The following DHRS7 variants were observed in gnomAD, a reference collection of about 807,000 sequenced individuals.
DHRS7 encodes the protein dehydrogenase/reductase SDR family member 7.
DHRS7 carries 34 observed loss-of-function variants against 38.9 expected under a neutral mutation model. That is an observed-to-expected ratio of 0.87 (90% CI 0.66 to 1.16). DHRS7 has a LOEUF of 1.16. DHRS7 is among the 50% of genes most tolerant of loss of function. DHRS7 has a pLI of 0.00. For synonymous variants in DHRS7, 158 were observed against 153.1 expected (o/e 1.03, Z -0.24); for missense variants, 421 against 407.0 (o/e 1.03, Z -0.30).
At chr14:60,166,008 G>T (rs1196360485), upstream of DHRS7, among the ~76,000 whole-genome samples, 1 of 152,210 alleles carries the variant, frequency 6.6e-6, no homozygotes, top group Non-Finnish European at 1.5e-5. Context: ...CCAAAGCCTA[G>T]GTTGGTACCA....
At chr14:60,150,615 G>A (rs376663) in intron 4 of DHRS7, among the ~76,000 whole-genome samples, 1 of 151,920 alleles carries the variant, frequency 6.6e-6, no homozygotes, top group Admixed American at 6.6e-5. Flanking sequence ...TGGTTTCTAG[G>A]TTCATCCATG....
rs890214358 is a variant in DHRS7 at position 60,146,482 on chromosome 14, T to C, written c.973-1469A>G. 3 of 152,096 alleles carry C rather than the reference T, an allele frequency of 2.0e-5. No individual in the cohort carries two copies. The highest frequency in any genetic ancestry group is 4.4e-5 in the Non-Finnish European group (3 of 68,010). The allele number at this position is 152,096 out of a possible 1,614,324, so 9.4% of individuals were successfully genotyped here. On this transcript the variant is annotated intron_variant, in intron 6 of 6. Transcript: ENST00000557185. The surrounding 1 kb of genome is among the most constrained non-coding windows in gnomAD (Gnocchi z 4.9). ...ACATTATGGAAAATACGGAAATTCC[T>C]CAAAAAATTAAAAATAGAATTACCA...
At chr14:60,164,178 A>ATT (rs61331316) in intron 1 of DHRS7, among the ~76,000 whole-genome samples, 49 of 118,902 alleles carry the variant, frequency 4.1e-4, no homozygotes, top group Middle Eastern at 4.5e-3. Flanking sequence ...GTATTACCAG[A>ATT]TTTTTTTTTT....
chr14:60,165,261 G>C lies in DHRS7; in HGVS notation c.49C>G (p.Leu17Val). 1 of 1,605,680 alleles carries C rather than the reference G, an allele frequency of 6.2e-7. No individual in the cohort carries two copies. The highest frequency in any genetic ancestry group is 8.5e-7 in the Non-Finnish European group (1 of 1,178,082). The change falls in exon 1 of 7, where the codon CTG (leucine) becomes GTG (valine). Residue 17 changes from leucine (L) to valine (V), a missense_variant. Transcript: ENST00000557185. The surrounding 1 kb of genome is among the most constrained non-coding windows in gnomAD (Gnocchi z 4.6). ...LWLLVLCALL[L>V]LLVQLLRFLR... ...AAGCGCAGCAGCTGCACCAAGAGCAGGAGCAGCGCGCACAGCACCAGCAGC... is the reference window on the plus strand; with the variant it reads ...AAGCGCAGCAGCTGCACCAAGAGCACGAGCAGCGCGCACAGCACCAGCAGC...
At chr14:60,164,997 T>TA (rs1896838003) in intron 1 of DHRS7, among the ~76,000 whole-genome samples, 180 bp downstream of exon 1, 1 of 152,224 alleles carries the variant, frequency 6.6e-6, no homozygotes. Context: ...AGGGGCTTTT[T>TA]AGCCCTCGCC....
upstream of DHRS7, among the ~76,000 whole-genome samples, chr14:60,166,657 C>T (rs1001538436): frequency 5.3e-5 from 8 of 152,150 alleles, no homozygotes; most frequent in African/African-American, 1.9e-4. Context: ...CACCCTCATC[C>T]TTCTCTAAAA....
intron 4 of DHRS7, among the ~76,000 whole-genome samples, chr14:60,150,405 G>A (rs1180832216): frequency 6.6e-6 from 1 of 152,034 alleles, no homozygotes; most frequent in Non-Finnish European, 1.5e-5. Context: ...CCACGTTGGT[G>A]TGCTGCACCC....
chr14:60,158,110 G>A (rs1896693683), intron 1 of DHRS7, among the ~76,000 whole-genome samples: 1 of 151,484 alleles, frequency 6.6e-6, no homozygotes, highest in Non-Finnish European at 1.5e-5. Flanking sequence ...GCGCATCGTT[G>A]TAACCCCAAC....
Position 60,153,281 on chromosome 14 carries a change from A to G in DHRS7, c.394-103T>C, listed in dbSNP as rs963965496. ...GTTATTTTGTTAACTTAAAGAATCA[A>G]TGGAACAATGGTATATTTCCAGAAG... On this transcript the variant is annotated intron_variant, in intron 3 of 6. Coordinates refer to ENST00000557185, the MANE Select transcript of DHRS7 (RefSeq NM_016029.4). The surrounding 1 kb of genome is among the most constrained non-coding windows in gnomAD (Gnocchi z 4.4). 5.7e-5 allele frequency: 73 copies of G among 1,278,770 alleles called. No homozygotes were observed. The African/African-American group carries it at 6.7e-4, about 12-fold the overall frequency. 79.2% of individuals were successfully genotyped at this position (1,278,770 alleles called of 1,614,324 possible). A position where few individuals can be genotyped will look rare whatever the true frequency, so the allele number is the denominator to read the frequency against.
rs79457555 is a variant in DHRS7 at position 60,148,785 on chromosome 14, T to C, written c.972+568A>G. On this transcript the variant is annotated intron_variant, in intron 6 of 6. Transcript: ENST00000557185. The surrounding 1 kb of genome is among the most constrained non-coding windows in gnomAD (Gnocchi z 4.8). ...GGGGAGAAACAGTAGGGAAAGAGCATTTTGACACACACACTGGTCAAACAA... is the reference window on the plus strand; with the variant it reads ...GGGGAGAAACAGTAGGGAAAGAGCACTTTGACACACACACTGGTCAAACAA... Among the ~76,000 whole-genome samples, 948 of 152,150 alleles carry C rather than the reference T, an allele frequency of 6.2e-3. 55 individuals carry two copies. The East Asian group carries it at 0.15, about 24-fold the overall frequency.
upstream of DHRS7, chr14:60,168,830 A>G: frequency 6.8e-7 from 1 of 1,466,812 alleles, no homozygotes; most frequent in South Asian, 1.3e-5. Flanking sequence ...TCATAATTTC[A>G]CTCTTCATAA....
upstream of DHRS7, chr14:60,166,115 A>T: frequency 1.6e-6 from 1 of 615,302 alleles, no homozygotes; most frequent in Non-Finnish European, 2.0e-6. Flanking sequence ...GCCTACTCTA[A>T]TACACAAAAG....
upstream of DHRS7, chr14:60,168,844 A>G (rs568330723): frequency 7.1e-7 from 1 of 1,413,818 alleles, no homozygotes; most frequent in South Asian, 1.4e-5. Context: ...TTCATAAACC[A>G]AAGCATAAGG....
chr14:60,149,605 C>G (rs902436805), intron 5 of DHRS7, 37 bp from the exon 6 acceptor site: 1 of 1,509,608 alleles, frequency 6.6e-7, no homozygotes. Flanking sequence ...TTTATCCAAG[C>G]GATTTCACAT....
chr14:60,149,488 A>T lies in DHRS7; in HGVS notation c.837T>A (p.Asn279Lys), dbSNP rs1402428133. ...CVRLMLISMANDLKEVWISEQ... is the reference protein window; with the variant it reads ...CVRLMLISMAKDLKEVWISEQ... ...CTGAGATCCAAACTTCTTTCAAATC[A>T]TTGGCCATGCTGATTAACATCAGCC... The change falls in exon 6 of 7, where the codon AAT (asparagine) becomes AAA (lysine). Residue 279 changes from asparagine (N) to lysine (K), a missense_variant. Asn to Lys is a moderately conservative substitution (Grantham distance 94). Coordinates refer to ENST00000557185, the MANE Select transcript of DHRS7 (RefSeq NM_016029.4). 3 of 1,614,142 alleles carry T rather than the reference A, an allele frequency of 1.9e-6. No homozygotes were observed. The South Asian group carries it at 3.3e-5, about 18-fold the overall frequency.
At chr14:60,165,492 C>A (rs935222113), upstream of DHRS7, 4 of 1,325,010 alleles carry the variant, frequency 3.0e-6, no homozygotes, top group Admixed American at 1.6e-4. The surrounding 1 kb of genome is among the most constrained non-coding windows in gnomAD (Gnocchi z 4.6). Flanking sequence ...CTCGCGGCCC[C>A]ACTCGCGGTC....
At chr14:60,150,213 G>C in intron 4 of DHRS7, 26 bp from the exon 5 acceptor site, 1 of 1,276,384 alleles carries the variant, frequency 7.8e-7, no homozygotes, top group Non-Finnish European at 1.0e-6. Context: ...AAAAAAAAAG[G>C]AAAAAGGCAA....
At position 60,150,194 on chromosome 14, in the gene DHRS7, G is replaced by GGAA. The variant is rs376945245; in HGVS notation, c.634-8_634-7insTTC. The GGAA allele has an allele frequency of 1.3e-4, 150 of 1,120,798 alleles. No individual in the cohort carries two copies. The highest frequency in any genetic ancestry group is 9.8e-4 in the South Asian group (32 of 32,528). 69.4% of individuals were successfully genotyped at this position (1,120,798 alleles called of 1,614,324 possible). A position where few individuals can be genotyped will look rare whatever the true frequency, so the allele number is the denominator to read the frequency against. On this transcript the variant is annotated splice_polypyrimidine_tract_variant and splice_region_variant and intron_variant, in intron 4 of 6. Transcript: ENST00000557185. ...GAAGGCCATTAAAAAAACCCTAACA[G>GGAA]ACAAAAAAAAAAAAAAAGGAAAAAG...
intron 5 of DHRS7, 105 bp downstream of exon 5, chr14:60,149,960 G>A (rs1595191749): frequency 1.7e-6 from 2 of 1,179,370 alleles, no homozygotes; most frequent in Non-Finnish European, 2.3e-6. Flanking sequence ...TCACATAAAA[G>A]CACTTCTAAG....
Sources: allele counts gnomAD v4.1 joint callset (sites outside exome capture counted in the v4.1 genomes callset), GRCh38; gene constraint gnomAD v4.1.1; non-coding constraint Gnocchi (gnomAD v3.1); transcripts MANE v1.5; gene names NCBI Gene and HGNC (gene_info 2026-07-23, HGNC 2026-07-21).